FAAH: variants seen among roughly 807,000 people sequenced by gnomAD.
FAAH encodes the protein fatty-acid amide hydrolase 1.
FAAH carries 63 observed loss-of-function variants against 69.7 expected under a neutral mutation model. The observed-to-expected ratio is 0.90, with a 90% CI of 0.74 to 1.12. FAAH has a LOEUF of 1.12. Ranked by LOEUF, FAAH falls within the 50% of genes most tolerant of loss-of-function variation. The pLI, the probability that FAAH is intolerant of heterozygous loss-of-function variation, is 0.00. For synonymous variants in FAAH, 305 were observed against 324.2 expected (o/e 0.94, Z 0.64); for missense variants, 680 against 755.0 (o/e 0.90, Z 1.16).
Position 46,411,858 on chromosome 1 carries a change from C to A in FAAH, c.1356+207C>A, listed in dbSNP as rs45520938. Among the ~76,000 whole-genome samples, 122 of 152,334 alleles carry A rather than the reference C, an allele frequency of 8.0e-4. No individual in the cohort carries two copies. The highest frequency in any genetic ancestry group is 1.3e-3 in the Non-Finnish European group (89 of 68,030). ...GCCCATCCTTTGAGGCTGGGTCAGC[C>A]CCAGGCTCCTGTCCTGGCCGCCTTT... is the stretch of plus-strand genomic sequence containing the variant. On this transcript the variant is annotated intron_variant, in intron 12 of 14. Transcript: ENST00000243167. This position sits in a 1 kb window ranked among gnomAD's most constrained non-coding sequence, Gnocchi z 4.8.
intron 7 of FAAH, among the ~76,000 whole-genome samples, chr1:46,407,711 C>T (rs1191262980): frequency 1.3e-5 from 2 of 152,122 alleles, no homozygotes; most frequent in African/African-American, 4.8e-5. Flanking sequence ...ATCCTCTGTG[C>T]CCACTCCAAC....
intron 8 of FAAH, 52 bp downstream of exon 8, chr1:46,408,636 C>G (rs781688484): frequency 5.6e-6 from 9 of 1,612,806 alleles, no homozygotes; most frequent in South Asian, 2.2e-5. Context: ...TCACGGGAAG[C>G]CTTCCTGGTA....
chr1:46,409,647 CT>C (rs1312571578), intron 9 of FAAH, among the ~76,000 whole-genome samples: 1 of 152,136 alleles, frequency 6.6e-6, no homozygotes, highest in Non-Finnish European at 1.5e-5. Context: ...CTTTAAGGGA[CT>C]TTGCAGAGCT....
chr1:46,397,264 TG>T (rs1664613346), intron 1 of FAAH, among the ~76,000 whole-genome samples: 1 of 152,266 alleles, frequency 6.6e-6, no homozygotes, highest in Non-Finnish European at 1.5e-5. Context: ...GGAATCCACC[TG>T]GCTGGCAGGG....
chr1:46,412,156 C>T lies in FAAH; in HGVS notation c.1370C>T (p.Thr457Ile), dbSNP rs1664927622. The T allele has an allele frequency of 6.4e-7, 1 of 1,560,610 alleles. No individual in the cohort carries two copies. The highest frequency in any genetic ancestry group is 8.7e-7 in the Non-Finnish European group (1 of 1,152,058). The change falls in exon 13 of 15, where the codon ACC becomes ATC. Residue 457 changes from threonine (T) to isoleucine (I), a missense_variant. Thr to Ile is a moderately conservative substitution (Grantham distance 89, BLOSUM62 -1). Transcript: ENST00000243167. ...TGTCCTCCGCAGGTGTACCGCAAAA[C>T]CGTGATTGCCCAGTGGAGGGCGCTG... The part of the protein sequence containing the change: ...LQHEIEVYRK[T>I]VIAQWRALDL...
chr1:46,407,729 A>G, intron 7 of FAAH, among the ~76,000 whole-genome samples: 1 of 152,186 alleles, frequency 6.6e-6, no homozygotes, highest in Non-Finnish European at 1.5e-5. Context: ...AACAGAGTGC[A>G]GGAGCTGTAA....
rs1664895397 is a variant in FAAH at position 46,410,630 on chromosome 1, C to T, written c.1275+133C>T. On this transcript the variant is annotated intron_variant, in intron 10 of 14. Transcript: ENST00000243167. The surrounding 1 kb of genome is among the most constrained non-coding windows in gnomAD (Gnocchi z 4.9). ...ATGGCCTCCTCTTCTCTCCAGTCCC[C>T]ACCCAGACTGCTCTCCTCCTCTGTC... is the stretch of plus-strand genomic sequence containing the variant. The T allele has an allele frequency of 9.3e-7, 1 of 1,072,780 alleles. No individual in the cohort carries two copies. Among genetic ancestry groups the T allele is most frequent in the South Asian group, 1.3e-5 (1 of 78,154 alleles). 66.5% of individuals were successfully genotyped at this position (1,072,780 alleles called of 1,614,324 possible). A position where few individuals can be genotyped will look rare whatever the true frequency, so the allele number is the denominator to read the frequency against.
At chr1:46,403,681 C>G (rs1188292258) in intron 2 of FAAH, among the ~76,000 whole-genome samples, 2 of 152,248 alleles carry the variant, frequency 1.3e-5, no homozygotes, top group African/African-American at 4.8e-5. Context: ...GCCACGGGCT[C>G]CCCTGGCTGA....
At position 46,413,155 on chromosome 1, in the gene FAAH, G is replaced by A. The variant is rs1471616325; in HGVS notation, c.1546G>A (p.Asp516Asn). The A allele has an allele frequency of 5.0e-6, 8 of 1,614,160 alleles. No homozygotes were observed. Among genetic ancestry groups the A allele is most frequent in the Non-Finnish European group, 6.8e-6 (8 of 1,180,022 alleles). The change falls in exon 14 of 15, where the codon GAC (aspartate) becomes AAC (asparagine). Residue 516 changes from aspartate (D) to asparagine (N), a missense_variant. Coordinates refer to ENST00000243167, the MANE Select transcript of FAAH (RefSeq NM_001441.3). ...VVPVTTVTAE[D>N]EAQMEHYRGY... is the part of the protein sequence containing the mutation. ...GCCTGTCACCACGGTGACTGCTGAG[G>A]ACGAGGCCCAGATGGAACATTACAG...
chr1:46,412,373 T>C, intron 13 of FAAH, 122 bp downstream of exon 13: 2 of 811,522 alleles, frequency 2.5e-6, no homozygotes, highest in Non-Finnish European at 4.1e-6. Context: ...ACAGTCTGGC[T>C]GACTGGAGAC....
At position 46,404,937 on chromosome 1, in the gene FAAH, T is replaced by A; in HGVS notation, c.310-77T>A. ...TGGGTATACTTTAAAAGGCCAGTTC[T>A]ACATGATGTATATTTCACCACAATT... On this transcript the variant is annotated intron_variant, in intron 2 of 14. Coordinates refer to ENST00000243167, the MANE Select transcript of FAAH (RefSeq NM_001441.3). This position sits in a 1 kb window ranked among gnomAD's most constrained non-coding sequence, Gnocchi z 4.5. 1 of 1,602,560 alleles carries A rather than the reference T, an allele frequency of 6.2e-7. No individual in the cohort carries two copies. The highest frequency in any genetic ancestry group is 1.1e-5 in the South Asian group (1 of 90,382).
chr1:46,409,776 C>T (rs191800785), intron 9 of FAAH, among the ~76,000 whole-genome samples: 84 of 152,220 alleles, frequency 5.5e-4, no homozygotes, highest in Non-Finnish European at 8.7e-4. Flanking sequence ...GGACTGGAAC[C>T]CTTCAGAACA....
chr1:46,406,350 C>T lies in FAAH; in HGVS notation c.933C>T (p.Pro311=). ...DMFRLDPTVP[P]LPFREEVYTS... is the part of the protein sequence containing the mutation. The stretch of plus-strand genomic sequence containing the variant: ...TCCGCTTGGACCCCACTGTGCCTCC[C>T]TTGCCCTTCAGAGAAGAGGTGAGCA... Residue 311 remains proline, a synonymous_variant, in exon 7 of 15, where the codon CCC becomes CCT. Coordinates refer to ENST00000243167, the MANE Select transcript of FAAH (RefSeq NM_001441.3). 2 of 1,614,070 alleles carry T rather than the reference C, an allele frequency of 1.2e-6. No individual in the cohort carries two copies. The highest frequency in any genetic ancestry group is 1.7e-6 in the Non-Finnish European group (2 of 1,180,030).
chr1:46,405,418 C>G lies in FAAH; in HGVS notation c.491C>G (p.Ala164Gly). ...LGLSLNEGVP[A>G]ECDSVVVHVL... is the part of the protein sequence containing the mutation. ...TTGAGCCTGAATGAAGGGGTGCCGG[C>G]GGAGTGCGACAGCGTAGTGGTGCAT... The change falls in exon 4 of 15, where the codon GCG (alanine) becomes GGG (glycine). Residue 164 changes from alanine (A) to glycine (G), a missense_variant. Coordinates refer to ENST00000243167, the MANE Select transcript of FAAH (RefSeq NM_001441.3). The surrounding 1 kb of genome is among the most constrained non-coding windows in gnomAD (Gnocchi z 4.1). The G allele has an allele frequency of 6.2e-7, 1 of 1,610,402 alleles. No individual in the cohort carries two copies. Among genetic ancestry groups the G allele is most frequent in the East Asian group, 2.2e-5 (1 of 44,656 alleles).
chr1:46,396,453 C>T, intron 1 of FAAH, among the ~76,000 whole-genome samples: 1 of 152,146 alleles, frequency 6.6e-6, no homozygotes, highest in East Asian at 1.9e-4. Context: ...GAGGTATGGT[C>T]AGGTCTTTCC....
In FAAH at chr1:46,404,968, A is replaced by G; in HGVS notation, c.310-46A>G. ...ATGTATATTTCACCACAATTTCTTA[A>G]AAAGGCCAGCCTCCTTTTATCTTAT... On this transcript the variant is annotated intron_variant, in intron 2 of 14. Coordinates refer to ENST00000243167, the MANE Select transcript of FAAH (RefSeq NM_001441.3). The surrounding 1 kb of genome is among the most constrained non-coding windows in gnomAD (Gnocchi z 4.5). 1 of 1,613,396 alleles carries G rather than the reference A, an allele frequency of 6.2e-7. No individual in the cohort carries two copies. The highest frequency in any genetic ancestry group is 1.1e-5 in the South Asian group (1 of 91,058).
Position 46,411,313 on chromosome 1 carries a change from C to A in FAAH, c.1317-299C>A, listed in dbSNP as rs1019139351. On this transcript the variant is annotated intron_variant, in intron 11 of 14. Coordinates refer to ENST00000243167, the MANE Select transcript of FAAH (RefSeq NM_001441.3). The surrounding 1 kb of genome is among the most constrained non-coding windows in gnomAD (Gnocchi z 4.8). Reference sequence around the variant, plus strand: ...TCCCATGGACTCACTCCTTCCCTTACCACCAGGCTTCAGGACTGGCAGCAG... The same window carrying A: ...TCCCATGGACTCACTCCTTCCCTTAACACCAGGCTTCAGGACTGGCAGCAG... Among the ~76,000 whole-genome samples, 10 of 152,230 alleles carry A rather than the reference C, an allele frequency of 6.6e-5. No individual in the cohort carries two copies. The highest frequency in any genetic ancestry group is 1.2e-4 in the Non-Finnish European group (8 of 68,036).
At chr1:46,413,034 G>A (rs1214765795) in intron 13 of FAAH, 41 bp from the exon 14 acceptor site, 1 of 1,612,930 alleles carries the variant, frequency 6.2e-7, no homozygotes, top group South Asian at 1.1e-5. Flanking sequence ...TGGCACTGAA[G>A]ATTCTCAGGG....
chr1:46,406,431 G>A, intron 7 of FAAH, 63 bp downstream of exon 7: 1 of 1,608,548 alleles, frequency 6.2e-7, no homozygotes. Context: ...CCCAGGCCTT[G>A]TGGGCAGGCC....
Sources: allele counts gnomAD v4.1 joint callset (sites outside exome capture counted in the v4.1 genomes callset), GRCh38; gene constraint gnomAD v4.1.1; non-coding constraint Gnocchi (gnomAD v3.1); transcripts MANE v1.5; gene names NCBI Gene and HGNC (gene_info 2026-07-23, HGNC 2026-07-21).